The following C7orf78 variants were observed in gnomAD, a reference collection of about 807,000 sequenced individuals.
The protein encoded by C7orf78 is chromosome 7 open reading frame 78.
chr7:12,538,310 C>T, the C7orf78 span: 1 of 152,178 alleles, frequency 6.6e-6, no homozygotes, highest in African/African-American at 2.4e-5. Flanking sequence ...TGCCCTGTAG[C>T]TCCAGGATCT....
the C7orf78 span, among the ~76,000 whole-genome samples, chr7:12,505,070 C>T: frequency 6.6e-6 from 1 of 151,898 alleles, no homozygotes; most frequent in Non-Finnish European, 1.5e-5. Flanking sequence ...TATTTAGTGA[C>T]TTTCCTGGAG....
chr7:12,522,581 A>AACAGCTTTTGACATCATG, the C7orf78 span, among the ~76,000 whole-genome samples: 1 of 152,110 alleles, frequency 6.6e-6, no homozygotes, highest in Admixed American at 6.6e-5. Flanking sequence ...CGATCCAAAT[A>AACAGCTTTTGACATCATG]ACAGCTTTTG....
the C7orf78 span, among the ~76,000 whole-genome samples, chr7:12,512,047 T>A: frequency 3.9e-4 from 59 of 151,240 alleles, no homozygotes; most frequent in East Asian, 8.6e-3. Flanking sequence ...AGTGCTGGGA[T>A]TACAGGCGTG....
At chr7:12,521,434 T>C in the C7orf78 span, among the ~76,000 whole-genome samples, 6 of 152,040 alleles carry the variant, frequency 3.9e-5, no homozygotes, top group East Asian at 7.7e-4. Context: ...TTTATTGAAA[T>C]CTACCCATTA....
the C7orf78 span, among the ~76,000 whole-genome samples, chr7:12,497,161 T>C: frequency 6.6e-6 from 1 of 152,174 alleles, no homozygotes; most frequent in African/African-American, 2.4e-5. Context: ...AGTAAGTAAC[T>C]AGCCCGAATC....
chr7:12,497,500 C>A, the C7orf78 span, among the ~76,000 whole-genome samples: 1 of 151,894 alleles, frequency 6.6e-6, no homozygotes, highest in South Asian at 2.1e-4. Flanking sequence ...TCGGGTCACT[C>A]CCACTCGAAT....
the C7orf78 span, among the ~76,000 whole-genome samples, chr7:12,505,602 T>C: frequency 6.6e-6 from 1 of 152,172 alleles, no homozygotes; most frequent in Non-Finnish European, 1.5e-5. Context: ...TTCTTTTATT[T>C]TCAGTGCAAC....
the C7orf78 span, among the ~76,000 whole-genome samples, chr7:12,516,218 C>A: frequency 1.3e-5 from 2 of 152,178 alleles, no homozygotes; most frequent in Non-Finnish European, 2.9e-5. Context: ...ATGCTCCAGC[C>A]CTGGCTGTAA....
the C7orf78 span, among the ~76,000 whole-genome samples, chr7:12,505,559 A>G: frequency 6.6e-6 from 1 of 152,150 alleles, no homozygotes; most frequent in Non-Finnish European, 1.5e-5. Flanking sequence ...TTAGGTGGAG[A>G]ATAACTCTGC....
chr7:12,489,876 G>A, the C7orf78 span, among the ~76,000 whole-genome samples: 9 of 152,078 alleles, frequency 5.9e-5, no homozygotes, highest in Non-Finnish European at 1.2e-4. Flanking sequence ...AGGTGGCATC[G>A]ACATTTGCTT....
the C7orf78 span, chr7:12,523,307 C>T: frequency 1.2e-4 from 47 of 398,334 alleles, no homozygotes; most frequent in East Asian, 1.4e-3. Context: ...GGTTACAGCT[C>T]CTAAATTTAT....
At chr7:12,528,300 A>G in the C7orf78 span, among the ~76,000 whole-genome samples, 9 of 151,040 alleles carry the variant, frequency 6.0e-5, no homozygotes, top group East Asian at 2.0e-4. Flanking sequence ...AGTATATGCT[A>G]TGTGTCACTC....
the C7orf78 span, among the ~76,000 whole-genome samples, chr7:12,517,015 G>A: frequency 6.6e-6 from 1 of 152,082 alleles, no homozygotes; most frequent in Non-Finnish European, 1.5e-5. Context: ...GGCATGATTG[G>A]TTTTGAAATG....
the C7orf78 span, among the ~76,000 whole-genome samples, chr7:12,502,802 C>T: frequency 0.87 from 103,693 of 119,346 alleles, 46,915 homozygotes; most frequent in East Asian, 1. Context: ...ATTGCGGCAT[C>T]ATTCACAATA....
At chr7:12,505,164 A>G in the C7orf78 span, among the ~76,000 whole-genome samples, 1 of 152,072 alleles carries the variant, frequency 6.6e-6, no homozygotes, top group African/African-American at 2.4e-5. Context: ...AGAAAAAAAT[A>G]TGATTAGATG....
At chr7:12,523,761 C>A in the C7orf78 span, among the ~76,000 whole-genome samples, 2,689 of 151,996 alleles carry the variant, frequency 0.018, 72 homozygotes, top group African/African-American at 0.061. Flanking sequence ...GAGTTTATAA[C>A]CTACTACTAA....
At chr7:12,542,034 T>C in the C7orf78 span, 9 of 152,210 alleles carry the variant, frequency 5.9e-5, no homozygotes, top group African/African-American at 9.7e-5. Flanking sequence ...TTGAAACTTC[T>C]TTGCTTCTGA....
chr7:12,507,874 G>T, the C7orf78 span, among the ~76,000 whole-genome samples: 1 of 152,040 alleles, frequency 6.6e-6, no homozygotes, highest in Non-Finnish European at 1.5e-5. Context: ...TGGGTTTTGT[G>T]CATAGTTTAT....
chr7:12,519,138 A>AG, the C7orf78 span, among the ~76,000 whole-genome samples: 1 of 152,074 alleles, frequency 6.6e-6, no homozygotes, highest in African/African-American at 2.4e-5. Context: ...ACCATACTGC[A>AG]GGGGGACAGG....
Sources: allele counts gnomAD v4.1 joint callset (sites outside exome capture counted in the v4.1 genomes callset), GRCh38; gene constraint gnomAD v4.1.1; transcripts MANE v1.5; gene names NCBI Gene and HGNC (gene_info 2026-07-23, HGNC 2026-07-21).